NUMB: variants seen among roughly 807,000 people sequenced by gnomAD.
NUMB encodes the protein NUMB endocytic adaptor protein, also known as protein numb homolog.
A neutral mutation model predicts 59.7 loss-of-function variants in NUMB; 29 were observed. That is an observed-to-expected ratio of 0.49 (90% CI 0.36 to 0.66). The LOEUF is 0.66. Among genes scored for constraint, NUMB ranks in the 30% least tolerant of loss-of-function variants. The pLI is 0.00. For synonymous variants in NUMB, 288 were observed against 288.2 expected (o/e 1.00, Z 0.01); for missense variants, 723 against 822.0 (o/e 0.88, Z 1.47).
chr14:73,452,361 AAAAAC>A (rs904177853), intron 1 of NUMB, among the ~76,000 whole-genome samples: 5 of 152,028 alleles, frequency 3.3e-5, no homozygotes, highest in Admixed American at 1.3e-4. Context: ...ACTCTGTCTC[AAAAAC>A]AAAACAAAAC....
At chr14:73,398,472 T>C (rs1036375664) in intron 2 of NUMB, among the ~76,000 whole-genome samples, 3 of 150,384 alleles carry the variant, frequency 2.0e-5, no homozygotes, top group Middle Eastern at 3.2e-3. Context: ...CAGAAAAATA[T>C]AGCCAAGGTT....
At chr14:73,452,387 T>C (rs193169996) in intron 1 of NUMB, among the ~76,000 whole-genome samples, 4 of 151,010 alleles carry the variant, frequency 2.6e-5, no homozygotes, top group Non-Finnish European at 4.4e-5. Context: ...AAAACAAAAC[T>C]GGGCAGCCTG....
At chr14:73,351,792 T>C (rs554649970) in intron 4 of NUMB, among the ~76,000 whole-genome samples, 1 of 151,910 alleles carries the variant, frequency 6.6e-6, no homozygotes, top group Admixed American at 6.6e-5. Context: ...CTGGCTAACA[T>C]GGTGAAACCC....
intron 2 of NUMB, among the ~76,000 whole-genome samples, chr14:73,406,503 A>G (rs1896680076): frequency 6.6e-6 from 1 of 152,088 alleles, no homozygotes; most frequent in South Asian, 2.1e-4. Context: ...ATTGATGGAC[A>G]TTTGGGTTGG....
At chr14:73,438,093 T>C (rs60977841) in intron 1 of NUMB, among the ~76,000 whole-genome samples, 9,266 of 152,284 alleles carry the variant, frequency 0.061, 724 homozygotes, top group African/African-American at 0.17. Flanking sequence ...TGTACAGCCA[T>C]TCTAGAAAGC....
chr14:73,418,784 G>GT (rs1489344357), intron 1 of NUMB, among the ~76,000 whole-genome samples: 1 of 151,088 alleles, frequency 6.6e-6, no homozygotes, highest in Non-Finnish European at 1.5e-5. Flanking sequence ...AAAAAAAAAA[G>GT]TAACTTTTAT....
intron 2 of NUMB, among the ~76,000 whole-genome samples, chr14:73,391,352 T>C (rs1318435281): frequency 6.6e-6 from 1 of 151,266 alleles, no homozygotes; most frequent in African/African-American, 2.4e-5. Flanking sequence ...ATAATAATCT[T>C]GCAAAAATTT....
At chr14:73,405,938 C>T (rs1410293768) in intron 2 of NUMB, among the ~76,000 whole-genome samples, 22 of 152,066 alleles carry the variant, frequency 1.4e-4, no homozygotes, top group Admixed American at 1.4e-3. Context: ...TAGACCTACA[C>T]CCAGATCCCA....
At chr14:73,333,258 T>C (rs1341306265) in intron 4 of NUMB, among the ~76,000 whole-genome samples, 1 of 152,242 alleles carries the variant, frequency 6.6e-6, no homozygotes, top group Non-Finnish European at 1.5e-5. Context: ...GTTTTCTGTT[T>C]TGTTTCAAAT....
chr14:73,455,033 G>A (rs573992208), intron 1 of NUMB, among the ~76,000 whole-genome samples: 1 of 152,202 alleles, frequency 6.6e-6, no homozygotes, highest in East Asian at 1.9e-4. Flanking sequence ...AATTTATTTT[G>A]TGAAAAGTCT....
intron 3 of NUMB, among the ~76,000 whole-genome samples, chr14:73,362,590 G>A (rs180689467): frequency 4.6e-5 from 7 of 151,978 alleles, no homozygotes; most frequent in South Asian, 4.2e-4. Flanking sequence ...CTACAGGTGC[G>A]CACCACCATG....
chr14:73,455,998 T>A (rs559714604), intron 1 of NUMB, among the ~76,000 whole-genome samples: 1 of 151,652 alleles, frequency 6.6e-6, no homozygotes, highest in Non-Finnish European at 1.5e-5. Flanking sequence ...ATTCTCAATA[T>A]CCAAAAAAGT....
At chr14:73,432,542 C>T (rs906716925) in intron 1 of NUMB, among the ~76,000 whole-genome samples, 2 of 151,986 alleles carry the variant, frequency 1.3e-5, no homozygotes, top group Non-Finnish European at 2.9e-5. Context: ...CAGTCAAACA[C>T]TATCACTTTA....
At chr14:73,319,200 T>C (rs1332661393) in intron 5 of NUMB, among the ~76,000 whole-genome samples, 2 of 151,994 alleles carry the variant, frequency 1.3e-5, no homozygotes, top group African/African-American at 2.4e-5. Context: ...GAGGCGGAGG[T>C]TGCAGCGACC....
chr14:73,444,312 T>C (rs894121976), intron 1 of NUMB, among the ~76,000 whole-genome samples: 2 of 151,110 alleles, frequency 1.3e-5, no homozygotes, highest in Admixed American at 1.3e-4. Flanking sequence ...GGCAGGAGAA[T>C]TGCTTGAACC....
At chr14:73,302,400 C>A (rs1317122835) in intron 6 of NUMB, among the ~76,000 whole-genome samples, 3 of 133,272 alleles carry the variant, frequency 2.3e-5, no homozygotes, top group Non-Finnish European at 4.6e-5. Context: ...AATACTTCCA[C>A]ATTTCTTTTT....
chr14:73,335,828 T>A (rs1193915791), intron 4 of NUMB, among the ~76,000 whole-genome samples: 1 of 152,242 alleles, frequency 6.6e-6, no homozygotes, highest in South Asian at 2.1e-4. Context: ...TTACAGCATC[T>A]TAACACATAC....
chr14:73,389,470 G>A (rs754401652), intron 2 of NUMB, among the ~76,000 whole-genome samples: 28 of 151,422 alleles, frequency 1.8e-4, no homozygotes, highest in Non-Finnish European at 3.4e-4. Flanking sequence ...CTACAGGTGC[G>A]TGCCACCACA....
At chr14:73,329,328 T>C (rs1891832728) in intron 4 of NUMB, among the ~76,000 whole-genome samples, 2 of 152,210 alleles carry the variant, frequency 1.3e-5, no homozygotes, top group African/African-American at 4.8e-5. Flanking sequence ...GCCACAATGG[T>C]AGGAAACTTG....
Sources: allele counts gnomAD v4.1 joint callset (sites outside exome capture counted in the v4.1 genomes callset), GRCh38; gene constraint gnomAD v4.1.1; transcripts MANE v1.5; gene names NCBI Gene and HGNC (gene_info 2026-07-23, HGNC 2026-07-21).